Variants in SGCD observed in about 807,000 individuals in gnomAD.
The protein encoded by SGCD is sarcoglycan delta.
SGCD carries 18 observed loss-of-function variants against 36.6 expected under a neutral mutation model. That is an observed-to-expected ratio of 0.49 (90% CI 0.34 to 0.73). The LOEUF (loss-of-function observed/expected upper bound fraction) is 0.73, where lower values mean the gene tolerates loss of function less well. SGCD is among the 30% of genes least tolerant of loss of function. The pLI is 0.01. For synonymous variants in SGCD, 133 were observed against 130.6 expected (o/e 1.02, Z -0.12); for missense variants, 387 against 346.7 (o/e 1.12, Z -0.92).
At chr5:156,084,305 A>C (rs1761041655) in intron 1 of SGCD, among the ~76,000 whole-genome samples, 1 of 152,210 alleles carries the variant, frequency 6.6e-6, no homozygotes, top group African/African-American at 2.4e-5. Context: ...TATAAGTACT[A>C]TGCATAGTTT....
intron 3 of SGCD, among the ~76,000 whole-genome samples, chr5:156,265,006 A>G (rs376539721): frequency 6.6e-6 from 1 of 152,116 alleles, no homozygotes; most frequent in South Asian, 2.1e-4. Flanking sequence ...GAATTAGATG[A>G]GTGGGGAGAA....
In SGCD at chr5:156,759,311, T is replaced by G; in HGVS notation, c.794T>G (p.Val265Gly). 6.2e-7 allele frequency: 1 copy of G among 1,613,702 alleles called. No homozygotes were observed. Among genetic ancestry groups the G allele is most frequent in the Non-Finnish European group, 8.5e-7 (1 of 1,179,652 alleles). The change falls in exon 9 of 9, where the codon GTC becomes GGC. Residue 265 changes from valine (V) to glycine (G), a missense_variant. Val to Gly is a moderately radical substitution (Grantham distance 109). Transcript: ENST00000337851. ...GTRQKVFEIC[V>G]CANGRLFLSQ... The stretch of plus-strand genomic sequence containing the variant: ...AGGCAGAAGGTCTTCGAGATCTGCG[T>G]CTGCGCCAATGGGAGATTATTCCTG...
In SGCD at chr5:156,484,130, T is replaced by TA. The variant is rs565061011; in HGVS notation, c.193-24465dup. Among the ~76,000 whole-genome samples, 18 of 152,268 alleles carry TA rather than the reference T, an allele frequency of 1.2e-4. No individual in the cohort carries two copies. In the South Asian group the frequency reaches 3.7e-3, roughly 32 times the overall value. On this transcript the variant is annotated intron_variant, in intron 3 of 8. Coordinates refer to ENST00000337851, the MANE Select transcript of SGCD (RefSeq NM_000337.6). Reference sequence around the variant, plus strand: ...TCTGTGGGCTTCTGTCTGAATCCACTAAAAAACTCATACTCCAGTCAACGA... The same window carrying TA: ...TCTGTGGGCTTCTGTCTGAATCCACTAAAAAAACTCATACTCCAGTCAACGA...
chr5:155,738,925 G>T, the SGCD span, among the ~76,000 whole-genome samples: 1 of 139,754 alleles, frequency 7.2e-6, no homozygotes, highest in Non-Finnish European at 1.7e-5. Flanking sequence ...GTGTGTTTGC[G>T]TGTGAGAGAG....
At chr5:156,446,226 G>T (rs1753751108) in intron 3 of SGCD, among the ~76,000 whole-genome samples, 1 of 152,126 alleles carries the variant, frequency 6.6e-6, no homozygotes, top group Non-Finnish European at 1.5e-5. Context: ...ATAGGTGCTG[G>T]GCAGCAAAGA....
intron 1 of SGCD, among the ~76,000 whole-genome samples, chr5:155,968,467 C>T (rs1292997516): frequency 6.6e-6 from 1 of 151,994 alleles, no homozygotes; most frequent in East Asian, 1.9e-4. Context: ...GAGTAGAGTA[C>T]AATAAAATAT....
At chr5:156,384,539 T>C (rs1194959828) in intron 3 of SGCD, among the ~76,000 whole-genome samples, 2 of 152,312 alleles carry the variant, frequency 1.3e-5, no homozygotes, top group East Asian at 3.9e-4. Flanking sequence ...ACAGTGACGA[T>C]AGAACACCAT....
chr5:156,678,598 G>A (rs1753603081), intron 7 of SGCD, among the ~76,000 whole-genome samples: 1 of 152,184 alleles, frequency 6.6e-6, no homozygotes, highest in Non-Finnish European at 1.5e-5. Context: ...TCTCGACAGT[G>A]CAGGCAGCCA....
the SGCD span, among the ~76,000 whole-genome samples, chr5:155,738,343 C>T: frequency 6.6e-6 from 1 of 152,168 alleles, no homozygotes; most frequent in South Asian, 2.1e-4. Context: ...TTCCCCTTTT[C>T]CTGGTACAAC....
chr5:155,900,466 C>T (rs983672914), intron 1 of SGCD, among the ~76,000 whole-genome samples: 8 of 151,778 alleles, frequency 5.3e-5, no homozygotes, highest in African/African-American at 1.7e-4. Flanking sequence ...GGTACATGTG[C>T]ACAATATGCA....
chr5:156,049,824 A>G (rs575551025), intron 1 of SGCD, among the ~76,000 whole-genome samples: 2 of 146,546 alleles, frequency 1.4e-5, no homozygotes, highest in East Asian at 3.9e-4. Flanking sequence ...GAGGGGTTCA[A>G]GGCTTCAATG....
At chr5:155,925,261 C>A (rs1365764539) in intron 1 of SGCD, among the ~76,000 whole-genome samples, 2 of 152,134 alleles carry the variant, frequency 1.3e-5, no homozygotes, top group African/African-American at 4.8e-5. Context: ...CCTTTCATTT[C>A]TTTTGGTTCG....
At chr5:156,286,633 A>G (rs1195241545) in intron 3 of SGCD, among the ~76,000 whole-genome samples, 2 of 152,122 alleles carry the variant, frequency 1.3e-5, no homozygotes, top group East Asian at 3.9e-4. Flanking sequence ...ATGAGAACAC[A>G]TGGACACAGG....
chr5:156,017,781 G>C (rs1759016325), intron 1 of SGCD, among the ~76,000 whole-genome samples: 1 of 151,888 alleles, frequency 6.6e-6, no homozygotes, highest in Non-Finnish European at 1.5e-5. Context: ...TATTGCATTA[G>C]CAATTATATA....
At chr5:155,915,696 A>G (rs770585170) in intron 1 of SGCD, among the ~76,000 whole-genome samples, 2 of 152,212 alleles carry the variant, frequency 1.3e-5, no homozygotes, top group Non-Finnish European at 2.9e-5. Context: ...TCAAGCAATC[A>G]TATATCAAAT....
At chr5:155,993,709 C>A (rs1314105921) in intron 1 of SGCD, among the ~76,000 whole-genome samples, 1 of 152,150 alleles carries the variant, frequency 6.6e-6, no homozygotes, top group Non-Finnish European at 1.5e-5. Context: ...TTGATGTTAT[C>A]TGTTGGTCAG....
intron 4 of SGCD, among the ~76,000 whole-genome samples, chr5:156,520,445 G>T (rs1257391155): frequency 6.6e-6 from 1 of 152,138 alleles, no homozygotes; most frequent in Admixed American, 6.6e-5. Context: ...ACTGCCCAAA[G>T]TAATTTATAG....
At chr5:156,457,440 C>T (rs956323209) in intron 3 of SGCD, among the ~76,000 whole-genome samples, 21 of 152,262 alleles carry the variant, frequency 1.4e-4, no homozygotes, top group African/African-American at 4.8e-4. Context: ...CCATAAAAAG[C>T]ACAAAACAGT....
intron 3 of SGCD, among the ~76,000 whole-genome samples, chr5:156,276,695 T>C (rs1236611319): frequency 6.6e-6 from 1 of 152,174 alleles, no homozygotes. Context: ...GGAAACATGG[T>C]CTCTGCATTC....
Sources: gnomAD v4.1 joint callset for allele counts (sites outside exome capture counted in the v4.1 genomes callset) on GRCh38, gnomAD v4.1.1 for gene constraint, MANE v1.5 for transcripts, NCBI Gene and HGNC (gene_info 2026-07-23, HGNC 2026-07-21) for gene names.